Variants in SLC24A2 observed in about 807,000 individuals in gnomAD.
SLC24A2 encodes solute carrier family 24 member 2.
SLC24A2 carries 36 observed loss-of-function variants against 62.0 expected under a neutral mutation model. The observed-to-expected ratio is 0.58, with a 90% CI of 0.44 to 0.77. SLC24A2 has a LOEUF of 0.77. SLC24A2 is among the 30% of genes least tolerant of loss of function. The probability of loss-of-function intolerance (pLI) is 0.00; values close to 1 mark genes in which losing one functional copy is unlikely to be tolerated. For missense variants in SLC24A2, 846 were observed against 817.9 expected (o/e 1.03, Z -0.42); for synonymous variants, 358 against 294.0 (o/e 1.22, Z -2.23).
chr9:19,723,241 T>C (rs539752046), intron 2 of SLC24A2, among the ~76,000 whole-genome samples: 3 of 152,296 alleles, frequency 2.0e-5, no homozygotes, highest in African/African-American at 4.8e-5. Flanking sequence ...GCAATTATTT[T>C]AGGTAGTGCT....
the SLC24A2 span, among the ~76,000 whole-genome samples, chr9:20,187,011 A>C: frequency 6.6e-6 from 1 of 152,164 alleles, no homozygotes; most frequent in Non-Finnish European, 1.5e-5. Flanking sequence ...TTTTTAAAGT[A>C]ATATGCTGAC....
the SLC24A2 span, among the ~76,000 whole-genome samples, chr9:20,299,977 A>G: frequency 6.6e-6 from 1 of 152,258 alleles, no homozygotes; most frequent in Non-Finnish European, 1.5e-5. Flanking sequence ...CAATTGGACC[A>G]GGATCTGCTT....
the SLC24A2 span, among the ~76,000 whole-genome samples, chr9:19,856,919 G>T: frequency 6.6e-6 from 1 of 152,212 alleles, no homozygotes; most frequent in Admixed American, 6.5e-5. Flanking sequence ...AGGCAGGAAA[G>T]ACTAAGTCCA....
At chr9:19,554,333 A>G (rs1049526917) in intron 7 of SLC24A2, among the ~76,000 whole-genome samples, 1 of 152,252 alleles carries the variant, frequency 6.6e-6, no homozygotes, top group Non-Finnish European at 1.5e-5. Flanking sequence ...CAGTGTAACA[A>G]CTATTTACAT....
intron 8 of SLC24A2, among the ~76,000 whole-genome samples, chr9:19,530,078 C>CTTTT (rs11365952): frequency 1.6e-5 from 2 of 124,906 alleles, no homozygotes; most frequent in Non-Finnish European, 3.3e-5. Context: ...ATAAAAGCAG[C>CTTTT]TTTTTTTTTT....
the SLC24A2 span, among the ~76,000 whole-genome samples, chr9:20,063,894 T>C: frequency 1.3e-5 from 2 of 152,180 alleles, no homozygotes; most frequent in African/African-American, 4.8e-5. Context: ...TGTAAAATGG[T>C]ACATCCACTA....
At chr9:19,749,279 C>T (rs1821918420) in intron 2 of SLC24A2, among the ~76,000 whole-genome samples, 1 of 152,020 alleles carries the variant, frequency 6.6e-6, no homozygotes, top group African/African-American at 2.4e-5. Context: ...TTTGGCTTGT[C>T]TTCCTGTTAG....
intron 8 of SLC24A2, among the ~76,000 whole-genome samples, chr9:19,531,149 G>A (rs1833689676): frequency 6.6e-6 from 1 of 152,186 alleles, no homozygotes; most frequent in African/African-American, 2.4e-5. Flanking sequence ...AAGTATCAAC[G>A]TTTCATTCAT....
At chr9:20,196,810 A>C in the SLC24A2 span, among the ~76,000 whole-genome samples, 3 of 152,244 alleles carry the variant, frequency 2.0e-5, no homozygotes, top group East Asian at 3.8e-4. Context: ...GCATAAAAAA[A>C]CAAATAATAG....
intron 2 of SLC24A2, among the ~76,000 whole-genome samples, chr9:19,753,989 A>C (rs1290070014): frequency 6.6e-6 from 1 of 152,206 alleles, no homozygotes; most frequent in African/African-American, 2.4e-5. Flanking sequence ...AAAGGTATGA[A>C]AATGACTGAT....
In SLC24A2 at chr9:19,762,988, T is replaced by A. The variant is rs1326264154; in HGVS notation, c.930+22949A>T. The stretch of plus-strand genomic sequence containing the variant: ...TTTCCCATTTGTTTGAGTCCTCTCT[T>A]ATTTCCTTGAGCAGTGGTTTATAGT... On this transcript the variant is annotated intron_variant, in intron 2 of 10. Coordinates refer to ENST00000341998, the MANE Select transcript of SLC24A2 (RefSeq NM_020344.4). 2.0e-5 allele frequency among the ~76,000 whole-genome samples: 3 copies of A among 152,126 alleles called. No homozygotes were observed. In the East Asian group the frequency reaches 5.8e-4, roughly 29 times the overall value.
the SLC24A2 span, among the ~76,000 whole-genome samples, chr9:20,072,686 G>GGAGTCA: frequency 3.9e-5 from 6 of 152,040 alleles, no homozygotes; most frequent in South Asian, 1.2e-3. Flanking sequence ...AGATGCAGGA[G>GGAGTCA]GAGTCAGAGT....
intron 2 of SLC24A2, among the ~76,000 whole-genome samples, chr9:19,755,670 C>T (rs1822118610): frequency 6.6e-6 from 1 of 152,120 alleles, no homozygotes; most frequent in Non-Finnish European, 1.5e-5. Context: ...GGGTCAGAGT[C>T]TATCAAGCTA....
chr9:19,977,854 G>T, the SLC24A2 span, among the ~76,000 whole-genome samples: 576 of 152,308 alleles, frequency 3.8e-3, 6 homozygotes, highest in East Asian at 0.03. Context: ...TCTGGACACA[G>T]AGCTCCCAGC....
chr9:20,069,024 T>C, the SLC24A2 span, among the ~76,000 whole-genome samples: 1 of 145,702 alleles, frequency 6.9e-6, no homozygotes, highest in Non-Finnish European at 1.5e-5. Context: ...CAAACTATAC[T>C]CATCCTCTTT....
chr9:19,530,507 T>G (rs1393550142), intron 8 of SLC24A2, among the ~76,000 whole-genome samples: 1 of 152,242 alleles, frequency 6.6e-6, no homozygotes, highest in African/African-American at 2.4e-5. Context: ...CTCTGCCTGT[T>G]TATTCTTTGA....
At chr9:19,792,982 C>T (rs1823338240), upstream of SLC24A2, among the ~76,000 whole-genome samples, 1 of 152,188 alleles carries the variant, frequency 6.6e-6, no homozygotes, top group Non-Finnish European at 1.5e-5. Flanking sequence ...TAAAAGACTC[C>T]TGACAATGAC....
At chr9:20,270,658 C>G in the SLC24A2 span, among the ~76,000 whole-genome samples, 701 of 152,300 alleles carry the variant, frequency 4.6e-3, 5 homozygotes, top group South Asian at 0.023. Flanking sequence ...GGCATACCTA[C>G]TCATTCATTC....
the SLC24A2 span, among the ~76,000 whole-genome samples, chr9:20,123,612 C>A: frequency 3.9e-5 from 6 of 152,016 alleles, no homozygotes; most frequent in Non-Finnish European, 8.8e-5. Flanking sequence ...TATAACTGTA[C>A]AATAGAAAAA....
Sources: gnomAD v4.1 joint callset for allele counts (sites outside exome capture counted in the v4.1 genomes callset) on GRCh38, gnomAD v4.1.1 for gene constraint, MANE v1.5 for transcripts, NCBI Gene and HGNC (gene_info 2026-07-23, HGNC 2026-07-21) for gene names.